Variants in PIP4K2A observed in about 807,000 individuals in gnomAD.
PIP4K2A encodes the protein phosphatidylinositol-5-phosphate 4-kinase type 2 alpha.
Under a neutral mutation model 42.9 loss-of-function variants are expected in PIP4K2A, and 14 were observed. The observed-to-expected ratio is 0.33, with a 90% CI of 0.22 to 0.51. The LOEUF is 0.51. PIP4K2A is among the 20% of genes least tolerant of loss of function. The probability of loss-of-function intolerance (pLI) is 0.97; values close to 1 mark genes in which losing one functional copy is unlikely to be tolerated. For synonymous variants in PIP4K2A, 192 were observed against 192.2 expected, an observed-to-expected ratio of 1.00 and a Z score of 0.01; for missense variants, 434 against 519.8, an observed-to-expected ratio of 0.83 and a Z score of 1.61.
intron 1 of PIP4K2A, among the ~76,000 whole-genome samples, chr10:22,705,200 TC>T (rs1406091925): frequency 6.6e-6 from 1 of 151,920 alleles, no homozygotes; most frequent in East Asian, 1.9e-4. Flanking sequence ...CAGTAACACT[TC>T]CGGGTCGAGT....
At chr10:22,662,901 A>C (rs1398195899) in intron 1 of PIP4K2A, among the ~76,000 whole-genome samples, 2 of 152,268 alleles carry the variant, frequency 1.3e-5, no homozygotes, top group African/African-American at 2.4e-5. Context: ...AGATATGCAC[A>C]CATCTACATG....
chr10:22,587,684 T>G lies in PIP4K2A; in HGVS notation c.492+3945A>C, dbSNP rs113147177. 2.4e-3 allele frequency among the ~76,000 whole-genome samples: 358 copies of G among 152,184 alleles called. 2 individuals are homozygous for G. Among genetic ancestry groups the G allele is most frequent in the African/African-American group, 8.2e-3 (340 of 41,506 alleles). The stretch of plus-strand genomic sequence containing the variant: ...AGGCTGAGCCCACCACCCAGTAATA[T>G]TCATCAAAATCTCGTCTGGAAGTGG... On this transcript the variant is annotated intron_variant, in intron 4 of 9. Transcript: ENST00000376573.
At chr10:22,689,733 A>G (rs1438631787) in intron 1 of PIP4K2A, among the ~76,000 whole-genome samples, 1 of 152,226 alleles carries the variant, frequency 6.6e-6, no homozygotes, top group Non-Finnish European at 1.5e-5. Flanking sequence ...TCAATTTGGA[A>G]TTGTAAATAA....
chr10:22,551,898 C>A, intron 6 of PIP4K2A, among the ~76,000 whole-genome samples: 1 of 152,224 alleles, frequency 6.6e-6, no homozygotes, highest in Non-Finnish European at 1.5e-5. Flanking sequence ...CATGCTCGAA[C>A]TGTTCACTTC....
chr10:22,590,736 G>T lies in PIP4K2A; in HGVS notation c.492+893C>A, dbSNP rs1024553380. On this transcript the variant is annotated intron_variant, in intron 4 of 9. Transcript: ENST00000376573. ...CTTAAAAAAATTGGCCAGGCATGGTGGTGCATACCTGTGGTCCCAGCTACT... is the reference window on the plus strand; with the variant it reads ...CTTAAAAAAATTGGCCAGGCATGGTTGTGCATACCTGTGGTCCCAGCTACT... 6.6e-5 allele frequency among the ~76,000 whole-genome samples: 10 copies of T among 152,164 alleles called. 1 individual carries two copies. The highest frequency in any genetic ancestry group is 2.4e-4 in the African/African-American group (10 of 41,426).
intron 3 of PIP4K2A, among the ~76,000 whole-genome samples, chr10:22,606,577 T>C (rs1008102908): frequency 6.6e-6 from 1 of 152,176 alleles, no homozygotes; most frequent in Admixed American, 6.5e-5. Flanking sequence ...TCCTGGAAAT[T>C]TTTGGCAATG....
chr10:22,700,668 C>T (rs908570674), intron 1 of PIP4K2A, among the ~76,000 whole-genome samples: 1 of 152,194 alleles, frequency 6.6e-6, no homozygotes, highest in Admixed American at 6.5e-5. Context: ...CCTGCCCCTA[C>T]CACCTGGAGC....
rs1354936612 is a variant in PIP4K2A at position 22,714,167 on chromosome 10, G to A, written c.144+16C>T. 5.0e-6 allele frequency: 8 copies of A among 1,596,978 alleles called. No individual in the cohort carries two copies. Among genetic ancestry groups the A allele is most frequent in the South Asian group, 1.1e-5 (1 of 89,874 alleles). ...AGGAGGAGGAAGGGGACCGCGCGCC[G>A]CAGCTGAGCCCTTACCGAGTGGTTT... On this transcript the variant is annotated intron_variant, in intron 1 of 9. Coordinates refer to ENST00000376573, the MANE Select transcript of PIP4K2A (RefSeq NM_005028.5).
At chr10:22,567,776 A>T in intron 6 of PIP4K2A, 75 bp downstream of exon 6, 2 of 1,263,922 alleles carry the variant, frequency 1.6e-6, no homozygotes, top group Non-Finnish European at 2.3e-6. Flanking sequence ...GGAGACTAGA[A>T]ATAAAGAGTA....
intron 1 of PIP4K2A, among the ~76,000 whole-genome samples, chr10:22,664,110 TATATAC>T (rs1372355297): frequency 1.4e-5 from 1 of 73,016 alleles, no homozygotes; most frequent in African/African-American, 1.1e-4. Context: ...TATACATATA[TATATAC>T]ATATATATAT....
intron 1 of PIP4K2A, among the ~76,000 whole-genome samples, chr10:22,702,343 GAATACTAC>G (rs375629998): frequency 3.3e-5 from 5 of 152,308 alleles, no homozygotes; most frequent in African/African-American, 1.2e-4. Flanking sequence ...GTACACTTCT[GAATACTAC>G]AATTTTTAGA....
At chr10:22,640,327 T>C (rs1214645534) in intron 1 of PIP4K2A, among the ~76,000 whole-genome samples, 1 of 152,180 alleles carries the variant, frequency 6.6e-6, no homozygotes, top group Non-Finnish European at 1.5e-5. Flanking sequence ...AGGTACTATT[T>C]TGGTACCAAA....
Position 22,714,414 on chromosome 10 carries a change from C to G in PIP4K2A, c.-88G>C, listed in dbSNP as rs552699127. 3.1e-6 allele frequency: 3 copies of G among 960,720 alleles called. No individual in the cohort carries two copies. The highest frequency in any genetic ancestry group is 1.8e-5 in the African/African-American group (1 of 56,826). The allele number at this position is 960,720 out of a possible 1,614,324, so 59.5% of individuals were successfully genotyped here. Reference sequence around the variant, plus strand: ...CCCCGGCCCGGGGAGGCAGCCGCATCCCCCCGGCGGCGGCCCCGGCGCGCC... The same window carrying G: ...CCCCGGCCCGGGGAGGCAGCCGCATGCCCCCGGCGGCGGCCCCGGCGCGCC... On this transcript the variant is annotated 5_prime_UTR_variant, in exon 1 of 10. Transcript: ENST00000376573.
At chr10:22,540,280 C>T (rs1836070656) in intron 8 of PIP4K2A, among the ~76,000 whole-genome samples, 1 of 152,002 alleles carries the variant, frequency 6.6e-6, no homozygotes, top group Non-Finnish European at 1.5e-5. Flanking sequence ...AGTCCCCCTG[C>T]AATTTAAAAA....
chr10:22,619,518 C>T (rs1838266604), intron 1 of PIP4K2A, among the ~76,000 whole-genome samples: 1 of 149,672 alleles, frequency 6.7e-6, no homozygotes, highest in Non-Finnish European at 1.5e-5. Flanking sequence ...TTCACTGTAA[C>T]CACCGCCTCC....
At chr10:22,576,565 G>A (rs772093416) in intron 4 of PIP4K2A, among the ~76,000 whole-genome samples, 10 of 152,238 alleles carry the variant, frequency 6.6e-5, no homozygotes, top group African/African-American at 9.6e-5. Context: ...GTCCAGCTCC[G>A]TGTTCATTAC....
chr10:22,673,751 C>T (rs569653703), intron 1 of PIP4K2A, among the ~76,000 whole-genome samples: 5 of 152,234 alleles, frequency 3.3e-5, no homozygotes, highest in African/African-American at 1.2e-4. Context: ...AAACTAGACC[C>T]TTAACAAAAT....
rs1359368465 is a variant in PIP4K2A at position 22,542,065 on chromosome 10, A to C, written c.793-18T>G. The C allele has an allele frequency of 1.7e-5, 27 of 1,589,960 alleles. No homozygotes were observed. The highest frequency in any genetic ancestry group is 2.3e-5 in the Non-Finnish European group (27 of 1,167,864). On this transcript the variant is annotated intron_variant, in intron 7 of 9. Transcript: ENST00000376573. ...GCCAGAAACTGGGGACAGAGGCAAC[A>C]GGGTGAGTCAGCCACACCTTAAACA...
intron 1 of PIP4K2A, among the ~76,000 whole-genome samples, chr10:22,697,347 CAG>C (rs1839993141): frequency 6.6e-6 from 1 of 152,216 alleles, no homozygotes; most frequent in Admixed American, 6.5e-5. Context: ...TAATTCTTGA[CAG>C]AGTGGCTAGC....
Sources: gnomAD v4.1 joint callset for allele counts (sites outside exome capture counted in the v4.1 genomes callset) on GRCh38, gnomAD v4.1.1 for gene constraint, MANE v1.5 for transcripts, NCBI Gene and HGNC (gene_info 2026-07-23, HGNC 2026-07-21) for gene names.